Variants in BRD10 observed in about 807,000 individuals in gnomAD.
BRD10 encodes the protein uncharacterized bromodomain-containing protein 10.
At chr9:5,977,286 G>C in the BRD10 span, among the ~76,000 whole-genome samples, 1 of 152,160 alleles carries the variant, frequency 6.6e-6, no homozygotes, top group African/African-American at 2.4e-5. Flanking sequence ...GTACCTTTCA[G>C]GGGAGGATTA....
chr9:6,000,026 A>G, the BRD10 span, among the ~76,000 whole-genome samples: 1 of 152,148 alleles, frequency 6.6e-6, no homozygotes, highest in Non-Finnish European at 1.5e-5. Flanking sequence ...AATAAAATAC[A>G]TTTTTAATAT....
chr9:6,007,206 C>A, the BRD10 span: 8 of 1,612,570 alleles, frequency 5.0e-6, no homozygotes, highest in South Asian at 6.6e-5. Context: ...GAGAGAGAAG[C>A]GCTAACTTCT....
the BRD10 span, among the ~76,000 whole-genome samples, chr9:5,903,606 C>A: frequency 6.6e-6 from 1 of 152,152 alleles, no homozygotes; most frequent in South Asian, 2.1e-4. Flanking sequence ...AACTGTAACT[C>A]CAACTTCATA....
At chr9:6,003,934 C>T in the BRD10 span, among the ~76,000 whole-genome samples, 2 of 152,184 alleles carry the variant, frequency 1.3e-5, no homozygotes, top group African/African-American at 4.8e-5. Flanking sequence ...CTGTCTACTT[C>T]CTGAGATGCT....
the BRD10 span, among the ~76,000 whole-genome samples, chr9:5,935,305 C>T: frequency 6.6e-6 from 1 of 152,112 alleles, no homozygotes; most frequent in Non-Finnish European, 1.5e-5. Context: ...TCTAAATTAG[C>T]ATTTAAATAG....
the BRD10 span, among the ~76,000 whole-genome samples, chr9:6,002,485 G>C: frequency 6.6e-6 from 1 of 152,016 alleles, no homozygotes; most frequent in African/African-American, 2.4e-5. Flanking sequence ...GGATGGGTGA[G>C]ATTTACTGAG....
the BRD10 span, chr9:5,921,739 G>T: frequency 2.4e-5 from 38 of 1,613,824 alleles, no homozygotes; most frequent in Non-Finnish European, 3.1e-5. Flanking sequence ...CTGCTGATAT[G>T]CTAATTACAC....
At chr9:5,970,071 C>T in the BRD10 span, among the ~76,000 whole-genome samples, 4 of 152,256 alleles carry the variant, frequency 2.6e-5, no homozygotes, top group African/African-American at 9.6e-5. Context: ...TATGACTTCA[C>T]ATAAAAGCTG....
the BRD10 span, among the ~76,000 whole-genome samples, chr9:5,981,394 C>T: frequency 1.3e-5 from 2 of 152,256 alleles, no homozygotes; most frequent in South Asian, 4.1e-4. Context: ...CATTGTAACC[C>T]CTTTGAAAAT....
chr9:5,936,369 GAAT>G, the BRD10 span, among the ~76,000 whole-genome samples: 1 of 152,024 alleles, frequency 6.6e-6, no homozygotes, highest in East Asian at 1.9e-4. Context: ...ACAAATAAAT[GAAT>G]AATTTATCAG....
chr9:5,885,624 C>T, the BRD10 span, among the ~76,000 whole-genome samples: 2 of 152,168 alleles, frequency 1.3e-5, no homozygotes, highest in Non-Finnish European at 1.5e-5. Flanking sequence ...CTGCCCACCT[C>T]GGCCTCCCAA....
chr9:5,949,522 T>C, the BRD10 span, among the ~76,000 whole-genome samples: 1 of 152,092 alleles, frequency 6.6e-6, no homozygotes, highest in African/African-American at 2.4e-5. Context: ...GATCAGTGAG[T>C]TTTTTCTTAT....
the BRD10 span, chr9:6,007,952 T>A: frequency 7.6e-7 from 1 of 1,307,644 alleles, no homozygotes; most frequent in Non-Finnish European, 9.7e-7. Context: ...GCGGGGGTCT[T>A]GAGCTCACCG....
the BRD10 span, among the ~76,000 whole-genome samples, chr9:5,963,986 T>C: frequency 6.6e-5 from 10 of 151,920 alleles, no homozygotes; most frequent in African/African-American, 2.2e-4. Flanking sequence ...ATTCAGGACA[T>C]AGGCATGGGC....
chr9:5,885,040 G>GT, the BRD10 span, among the ~76,000 whole-genome samples: 1 of 152,330 alleles, frequency 6.6e-6, no homozygotes, highest in Admixed American at 6.5e-5. Flanking sequence ...GTGTCTGAGG[G>GT]AGGAGGGAGT....
the BRD10 span, among the ~76,000 whole-genome samples, chr9:5,936,591 T>C: frequency 1.3e-5 from 2 of 152,214 alleles, no homozygotes; most frequent in African/African-American, 2.4e-5. Context: ...TTTCCTTCAA[T>C]ATATGATGTA....
At chr9:5,968,208 G>T in the BRD10 span, 1 of 1,612,444 alleles carries the variant, frequency 6.2e-7, no homozygotes, top group East Asian at 2.2e-5. Context: ...GTTAGTTTGA[G>T]TTTCTTGTGG....
chr9:6,008,065 C>T, the BRD10 span: 1 of 983,842 alleles, frequency 1.0e-6, no homozygotes, highest in Non-Finnish European at 1.2e-6. Context: ...GCGCACGGCC[C>T]TCGCCGGCCT....
chr9:5,923,938 A>G, the BRD10 span, among the ~76,000 whole-genome samples: 1 of 152,198 alleles, frequency 6.6e-6, no homozygotes, highest in African/African-American at 2.4e-5. Flanking sequence ...TCATTAAACT[A>G]GATTTACATA....
Sources: allele counts gnomAD v4.1 joint callset (sites outside exome capture counted in the v4.1 genomes callset), GRCh38; gene constraint gnomAD v4.1.1; transcripts MANE v1.5; gene names NCBI Gene and HGNC (gene_info 2026-07-23, HGNC 2026-07-21).